THSD4: variants seen among roughly 807,000 people sequenced by gnomAD.
THSD4 encodes thrombospondin type-1 domain-containing protein 4.
Under a neutral mutation model 119.0 loss-of-function variants are expected in THSD4, and 69 were observed. That is an observed-to-expected ratio of 0.58 (90% CI 0.48 to 0.71). The LOEUF (loss-of-function observed/expected upper bound fraction) is 0.71. Ranked by LOEUF, THSD4 falls within the 30% of genes least tolerant of loss-of-function variation. The pLI is 0.00. For synonymous variants in THSD4, 524 were observed against 540.4 expected (o/e 0.97, Z 0.42); for missense variants, 1,393 against 1,391.1 (o/e 1.00, Z -0.02).
intron 6 of THSD4, among the ~76,000 whole-genome samples, chr15:71,401,365 T>G (rs1475497618): frequency 1.3e-5 from 2 of 152,220 alleles, no homozygotes; most frequent in Non-Finnish European, 2.9e-5. Context: ...TTGTTAGTGT[T>G]ATTTTCTAGA....
intron 7 of THSD4, among the ~76,000 whole-genome samples, chr15:71,587,787 T>TAA (rs1207231444): frequency 0.57 from 58,442 of 103,120 alleles, 16,553 homozygotes; most frequent in Non-Finnish European, 0.71. Context: ...AAAAAAAAAT[T>TAA]AAAAAAAAAA....
intron 6 of THSD4, among the ~76,000 whole-genome samples, chr15:71,360,196 G>T (rs910351913): frequency 6.6e-6 from 1 of 152,118 alleles, no homozygotes; most frequent in Admixed American, 6.5e-5. Context: ...AGCTCGTGTT[G>T]TGTTGGCTTC....
At chr15:71,289,710 C>T (rs943212264) in intron 6 of THSD4, among the ~76,000 whole-genome samples, 4 of 152,152 alleles carry the variant, frequency 2.6e-5, no homozygotes, top group African/African-American at 9.7e-5. Flanking sequence ...AATCATAACG[C>T]GTAGAGCCCT....
Position 71,737,889 on chromosome 15 carries a change from A to T in THSD4, c.1788A>T (p.Arg596Ser). Residue 596 changes from arginine (R) to serine (S), a missense_variant, in exon 11 of 18, where the codon AGA (arginine) becomes AGT (serine). Transcript: ENST00000261862. ...AQTFPVRHPD[R>S]FSPHRPDNLV... ...CCTTCCCAGTCAGGCATCCAGACAG[A>T]TTTTCTCCCCATCGACCGGACAACT... is the stretch of plus-strand genomic sequence containing the variant. 6.2e-7 allele frequency: 1 copy of T among 1,614,224 alleles called. No individual in the cohort carries two copies. The highest frequency in any genetic ancestry group is 1.1e-5 in the South Asian group (1 of 91,090).
chr15:71,574,842 T>C (rs1180259810), intron 7 of THSD4, among the ~76,000 whole-genome samples: 2 of 152,138 alleles, frequency 1.3e-5, no homozygotes, highest in African/African-American at 2.4e-5. Flanking sequence ...ATTTTTGTAA[T>C]CTACCATAGC....
chr15:71,112,185 G>C, upstream of THSD4: 1 of 1,613,836 alleles, frequency 6.2e-7, no homozygotes, highest in Admixed American at 1.7e-5. Context: ...GGAACCACAG[G>C]AGAAATGGCT....
chr15:71,350,872 G>A (rs113157955), intron 6 of THSD4, among the ~76,000 whole-genome samples: 1,542 of 152,336 alleles, frequency 0.01, 10 homozygotes, highest in Middle Eastern at 0.017. Flanking sequence ...TATTAAGCTT[G>A]TTGGTAACTC....
chr15:71,222,877 A>C (rs1433171844), intron 4 of THSD4, among the ~76,000 whole-genome samples: 1 of 152,204 alleles, frequency 6.6e-6, no homozygotes, highest in African/African-American at 2.4e-5. Context: ...GATAGTTATG[A>C]GTGCAGCTTC....
At chr15:71,107,936 G>A (rs1009971520) in intron 1 of THSD4, among the ~76,000 whole-genome samples, 2 of 152,158 alleles carry the variant, frequency 1.3e-5, no homozygotes, top group Admixed American at 6.5e-5. Flanking sequence ...ATGAAAACCA[G>A]CTGCTATTAT....
At position 71,364,133 on chromosome 15, in the gene THSD4, G is replaced by A. The variant is rs554842116; in HGVS notation, c.1016-47554G>A. On this transcript the variant is annotated intron_variant, in intron 6 of 17. Coordinates refer to ENST00000261862, the MANE Select transcript of THSD4 (RefSeq NM_024817.3). ...AGAAGTAACCTAGTTGAGGGCTGAGGTTTGGCCAGTGGAAGTGGGGTGGGG... is the reference window on the plus strand; with the variant it reads ...AGAAGTAACCTAGTTGAGGGCTGAGATTTGGCCAGTGGAAGTGGGGTGGGG... 2.0e-5 allele frequency among the ~76,000 whole-genome samples: 3 copies of A among 152,316 alleles called. No individual in the cohort carries two copies. In the South Asian group the frequency reaches 6.2e-4, roughly 32 times the overall value.
intron 7 of THSD4, among the ~76,000 whole-genome samples, chr15:71,612,467 C>T (rs966433291): frequency 6.6e-6 from 1 of 152,240 alleles, no homozygotes; most frequent in Non-Finnish European, 1.5e-5. Flanking sequence ...GGAAGCCCAA[C>T]TGCTATCCTA....
chr15:71,454,225 C>A (rs2047306019), intron 7 of THSD4, among the ~76,000 whole-genome samples: 1 of 152,116 alleles, frequency 6.6e-6, no homozygotes. Flanking sequence ...CCACTGCACT[C>A]CAGCCTAGGT....
At chr15:71,621,695 GGCTGAAAAC>G (rs1567066831) in intron 7 of THSD4, among the ~76,000 whole-genome samples, 1 of 152,172 alleles carries the variant, frequency 6.6e-6, no homozygotes, top group East Asian at 1.9e-4. Context: ...ATTCATTGAT[GGCTGAAAAC>G]GCCTTTTAGA....
intron 8 of THSD4, among the ~76,000 whole-genome samples, chr15:71,691,627 G>A (rs2052051359): frequency 1.3e-5 from 2 of 152,226 alleles, no homozygotes; most frequent in African/African-American, 4.8e-5. Flanking sequence ...ATGTACTCCT[G>A]GTTGATTACC....
rs183169425 is a variant in THSD4 at position 71,267,108 on chromosome 15, G to A, written c.1015+10393G>A. ...CCAACATTCAAATTCAGGAAATACA[G>A]AGAACACCACAAAGATACTGCTCGA... On this transcript the variant is annotated intron_variant, in intron 6 of 17. Coordinates refer to ENST00000261862, the MANE Select transcript of THSD4 (RefSeq NM_024817.3). 6.6e-5 allele frequency among the ~76,000 whole-genome samples: 10 copies of A among 152,210 alleles called. No homozygotes were observed. In the East Asian group the frequency reaches 1.7e-3, roughly 27 times the overall value.
At chr15:71,518,795 G>A (rs2048397271) in intron 7 of THSD4, among the ~76,000 whole-genome samples, 1 of 152,158 alleles carries the variant, frequency 6.6e-6, no homozygotes. Flanking sequence ...GTGGTCTTTA[G>A]ATCCATTGTT....
upstream of THSD4, chr15:71,111,290 G>C (rs1310059845): frequency 6.2e-7 from 1 of 1,614,002 alleles, no homozygotes; most frequent in Admixed American, 1.7e-5. Flanking sequence ...ATTCCGTCTG[G>C]AAACCATTTT....
At chr15:71,107,347 AAAG>A (rs1036290087) in intron 1 of THSD4, among the ~76,000 whole-genome samples, 4 of 152,186 alleles carry the variant, frequency 2.6e-5, no homozygotes, top group African/African-American at 9.7e-5. Flanking sequence ...GAAGGAAAGA[AAAG>A]AAAGAAAGAA....
chr15:71,720,426 G>C (rs192112985), intron 8 of THSD4, among the ~76,000 whole-genome samples: 2 of 152,296 alleles, frequency 1.3e-5, no homozygotes, highest in African/African-American at 4.8e-5. Flanking sequence ...ATAGTTATGA[G>C]TTCTTAAATA....
Sources: gnomAD v4.1 joint callset for allele counts (sites outside exome capture counted in the v4.1 genomes callset) on GRCh38, gnomAD v4.1.1 for gene constraint, MANE v1.5 for transcripts, NCBI Gene and HGNC (gene_info 2026-07-23, HGNC 2026-07-21) for gene names.